The following PPP4R3B variants were observed in gnomAD, a reference collection of about 807,000 sequenced individuals.
The protein encoded by PPP4R3B is serine/threonine-protein phosphatase 4 regulatory subunit 3B.
Under a neutral mutation model 95.4 loss-of-function variants are expected in PPP4R3B, and 52 were observed. That is an observed-to-expected ratio of 0.54 (90% CI 0.44 to 0.69). The LOEUF (loss-of-function observed/expected upper bound fraction) is 0.69, where lower values mean the gene tolerates loss of function less well. PPP4R3B is among the 30% of genes least tolerant of loss of function. The pLI, the probability that PPP4R3B is intolerant of heterozygous loss-of-function variation, is 0.00. For synonymous variants in PPP4R3B, 407 were observed against 343.9 expected, an observed-to-expected ratio of 1.18 and a Z score of -2.03; for missense variants, 1,003 against 1,005.9, an observed-to-expected ratio of 1.00 and a Z score of 0.04.
Position 55,598,462 on chromosome 2 carries a change from G to C in PPP4R3B, c.875C>G (p.Thr292Arg). 1.2e-6 allele frequency: 2 copies of C among 1,614,066 alleles called. No individual in the cohort carries two copies. The highest frequency in any genetic ancestry group is 1.7e-6 in the Non-Finnish European group (2 of 1,179,984). The change falls in exon 4 of 17, where the codon ACG becomes AGG. Residue 292 changes from threonine to arginine, a missense_variant. Coordinates refer to ENST00000616407, the MANE Select transcript of PPP4R3B (RefSeq NM_001122964.3). ...AACTTTGTTGAAGAAAATAAAAGAC[G>C]TAAGAGTAGAAAGAAAATTCTCTTC... is the stretch of plus-strand genomic sequence containing the variant. ...VFEENFLSTL[T>R]SFIFFNKVEI...
chr2:55,577,946 A>C (rs1688913315), intron 10 of PPP4R3B, among the ~76,000 whole-genome samples: 1 of 152,162 alleles, frequency 6.6e-6, no homozygotes, highest in Non-Finnish European at 1.5e-5. Context: ...TGTAATAGCA[A>C]AAAGCTAGAA....
chr2:55,558,711 G>A, intron 16 of PPP4R3B, 64 bp downstream of exon 16: 1 of 1,279,906 alleles, frequency 7.8e-7, no homozygotes, highest in South Asian at 1.9e-5. Flanking sequence ...ATTTTTTTCA[G>A]TAAACATGAA....
chr2:55,588,157 C>T (rs899822821), intron 5 of PPP4R3B, among the ~76,000 whole-genome samples: 1 of 151,880 alleles, frequency 6.6e-6, no homozygotes, highest in African/African-American at 2.4e-5. Context: ...AAAAAATTTC[C>T]AAAGAACCAA....
intron 16 of PPP4R3B, among the ~76,000 whole-genome samples, chr2:55,551,479 A>G (rs930960240): frequency 3.7e-4 from 56 of 152,282 alleles, no homozygotes; most frequent in Admixed American, 1.2e-3. Flanking sequence ...GGCCAGGCGC[A>G]GTGGCTCATG....
intron 15 of PPP4R3B, 131 bp from the exon 16 acceptor site, chr2:55,559,099 AC>A: frequency 1.5e-6 from 1 of 669,456 alleles, no homozygotes; most frequent in Non-Finnish European, 2.4e-6. Context: ...TGTAATCCCA[AC>A]ACTTTGGGAG....
intron 7 of PPP4R3B, among the ~76,000 whole-genome samples, chr2:55,582,926 A>G (rs1414698123): frequency 6.6e-6 from 1 of 152,152 alleles, no homozygotes; most frequent in African/African-American, 2.4e-5. Context: ...AATATGTGCA[A>G]TCTGTGGCAT....
At chr2:55,589,597 G>A (rs1277735638) in intron 4 of PPP4R3B, among the ~76,000 whole-genome samples, 4 of 152,120 alleles carry the variant, frequency 2.6e-5, no homozygotes, top group Admixed American at 6.6e-5. Flanking sequence ...TTCTACAGGC[G>A]TTGTCTAAAA....
chr2:55,599,147 T>C (rs1463576037), intron 3 of PPP4R3B, 108 bp from the exon 4 acceptor site: 7 of 1,076,200 alleles, frequency 6.5e-6, no homozygotes, highest in African/African-American at 3.2e-5. Flanking sequence ...TAATTAAAAG[T>C]GAAGTCTAGG....
intron 4 of PPP4R3B, among the ~76,000 whole-genome samples, chr2:55,589,350 G>GAAC (rs1553474278): frequency 2.4e-4 from 37 of 151,920 alleles, no homozygotes; most frequent in African/African-American, 8.4e-4. Flanking sequence ...AGAAAAACAA[G>GAAC]AATTGTAAGA....
chr2:55,617,170 G>C lies in PPP4R3B; in HGVS notation c.116C>G (p.Ser39Trp), dbSNP rs766624965. Residue 39 changes from serine (S) to tryptophan (W), a missense_variant, in exon 1 of 17, where the codon TCG becomes TGG. Around this residue, in one of 3 missense-constraint regions of PPP4R3B, gnomAD observed 695 missense variants for 686.2 expected, o/e 1.01. Coordinates refer to ENST00000616407, the MANE Select transcript of PPP4R3B (RefSeq NM_001122964.3). ...STYVEELKGM[S>W]LLVRAESDGS... Reference sequence around the variant, plus strand: ...GTCGGACTCTGCCCGAACCAGCAGCGACATCCCCTTGAGCTCCTCCACGTA... The same window carrying C: ...GTCGGACTCTGCCCGAACCAGCAGCCACATCCCCTTGAGCTCCTCCACGTA... 1 of 1,613,300 alleles carries C rather than the reference G, an allele frequency of 6.2e-7. No homozygotes were observed. The highest frequency in any genetic ancestry group is 8.5e-7 in the Non-Finnish European group (1 of 1,179,728).
At chr2:55,603,896 CTAATA>C in intron 3 of PPP4R3B, 77 bp downstream of exon 3, 1 of 925,878 alleles carries the variant, frequency 1.1e-6, no homozygotes, top group East Asian at 2.7e-5. Flanking sequence ...TCGCCACATC[CTAATA>C]TGTTTGAAGT....
At chr2:55,588,640 G>A (rs763668951) in intron 5 of PPP4R3B, among the ~76,000 whole-genome samples, 43 of 152,192 alleles carry the variant, frequency 2.8e-4, no homozygotes, top group Non-Finnish European at 4.6e-4. Context: ...GATTTATAAG[G>A]CATACAATGG....
intron 12 of PPP4R3B, among the ~76,000 whole-genome samples, chr2:55,570,956 TAC>T (rs1354700019): frequency 1.6e-4 from 24 of 152,198 alleles, no homozygotes; most frequent in African/African-American, 5.3e-4. Flanking sequence ...TACACAAAAC[TAC>T]AGTTACAACA....
chr2:55,566,872 A>G (rs925061323), intron 13 of PPP4R3B, among the ~76,000 whole-genome samples: 1 of 152,096 alleles, frequency 6.6e-6, no homozygotes, highest in African/African-American at 2.4e-5. Context: ...CAGGCACTTT[A>G]GTGCATGCCT....
chr2:55,567,438 C>G (rs1410712540), intron 13 of PPP4R3B, among the ~76,000 whole-genome samples: 3 of 151,454 alleles, frequency 2.0e-5, no homozygotes, highest in Non-Finnish European at 4.4e-5. Flanking sequence ...TTTTTTGAGA[C>G]AAGAGTCTTG....
chr2:55,603,905 T>C, intron 3 of PPP4R3B, 73 bp downstream of exon 3: 2 of 1,054,008 alleles, frequency 1.9e-6, no homozygotes, highest in East Asian at 5.2e-5. Flanking sequence ...CCTAATATGT[T>C]TGAAGTAAAA....
At chr2:55,608,851 G>T (rs963544126) in intron 2 of PPP4R3B, among the ~76,000 whole-genome samples, 6 of 152,080 alleles carry the variant, frequency 3.9e-5, no homozygotes, top group African/African-American at 1.4e-4. Flanking sequence ...CAGGTATGGT[G>T]GTATGCGCCT....
rs779320873 is a variant in PPP4R3B, at chr2:55,601,755, A to G, written c.297+2223T>C. ...TACCAACTCTTACTTTTCAGGTTAC[A>G]TCTACTACCATAATGTGATATGGTA... is the stretch of plus-strand genomic sequence containing the variant. On this transcript the variant is annotated intron_variant, in intron 3 of 16. Transcript: ENST00000616407. Among the ~76,000 whole-genome samples, 22 of 152,312 alleles carry G rather than the reference A, an allele frequency of 1.4e-4. 1 individual carries two copies. Among genetic ancestry groups the G allele is most frequent in the Admixed American group, 3.3e-4 (5 of 15,282 alleles).
chr2:55,577,596 G>A (rs895898033), intron 10 of PPP4R3B, among the ~76,000 whole-genome samples: 5 of 152,058 alleles, frequency 3.3e-5, no homozygotes, highest in Non-Finnish European at 4.4e-5. Flanking sequence ...TAAAAAGTAA[G>A]ATTACAACCA....
Sources: allele counts gnomAD v4.1 joint callset (sites outside exome capture counted in the v4.1 genomes callset), GRCh38; gene constraint gnomAD v4.1.1; regional missense constraint gnomAD v4.1.1; transcripts MANE v1.5; gene names NCBI Gene and HGNC (gene_info 2026-07-23, HGNC 2026-07-21).